SLC11A1: variants seen among roughly 807,000 people sequenced by gnomAD.
The protein encoded by SLC11A1 is solute carrier family 11 member 1.
A neutral mutation model predicts 63.2 loss-of-function variants in SLC11A1; 59 were observed. The ratio of observed to expected loss-of-function variants is 0.93; its 90% CI spans 0.76 to 1.16. SLC11A1 has a LOEUF of 1.16. SLC11A1 is among the 50% of genes most tolerant of loss of function. SLC11A1 has a pLI of 0.00. For synonymous variants in SLC11A1, 305 were observed against 307.8 expected (o/e 0.99, Z 0.09); for missense variants, 688 against 730.7 (o/e 0.94, Z 0.67).
intron 8 of SLC11A1, 48 bp downstream of exon 8, chr2:218,388,003 A>G (rs745888713): frequency 2.8e-5 from 43 of 1,513,644 alleles, no homozygotes; most frequent in Non-Finnish European, 3.8e-5. Context: ...AGTCGGAGCC[A>G]TGCTGGCTCC....
chr2:218,393,280 G>C (rs910546669), intron 12 of SLC11A1, 150 bp downstream of exon 12: 2 of 739,174 alleles, frequency 2.7e-6, no homozygotes, highest in African/African-American at 1.9e-5. Flanking sequence ...AGCCACCCTG[G>C]GGGGCAGGAG....
At chr2:218,387,331 CCT>C in intron 6 of SLC11A1, 101 bp downstream of exon 6, 5 of 1,179,206 alleles carry the variant, frequency 4.2e-6, no homozygotes, top group South Asian at 4.2e-5. Context: ...ACCTGAGCTC[CCT>C]CACTCTCCCT....
Position 218,386,536 on chromosome 2 carries a change from T to G in SLC11A1, c.394-99T>G, listed in dbSNP as rs1574765579. The G allele has an allele frequency of 2.0e-5, 16 of 781,308 alleles. No homozygotes were observed. The East Asian group carries it at 4.3e-4, about 21-fold the overall frequency. The allele number at this position is 781,308 out of a possible 1,614,324, so 48.4% of individuals were successfully genotyped here. A position where few individuals can be genotyped will look rare whatever the true frequency, so the allele number is the denominator to read the frequency against. On this transcript the variant is annotated intron_variant, in intron 4 of 14. Coordinates refer to ENST00000233202, the MANE Select transcript of SLC11A1 (RefSeq NM_000578.4). ...AAGGTAGGAAGCCCATTGGCCAGACTGTCTAGTAAATGTAGTCTGAGACGA... is the reference window on the plus strand; with the variant it reads ...AAGGTAGGAAGCCCATTGGCCAGACGGTCTAGTAAATGTAGTCTGAGACGA...
chr2:218,392,875 C>T (rs1696531259), intron 11 of SLC11A1, 106 bp from the exon 12 acceptor site: 2 of 925,438 alleles, frequency 2.2e-6, no homozygotes, highest in Non-Finnish European at 3.1e-6. Flanking sequence ...AGTGGAAAAA[C>T]AGAGCATGCC....
Position 218,382,497 on chromosome 2 carries a change from C to T in SLC11A1, c.7+122C>T, listed in dbSNP as rs564897028. 1.4e-4 allele frequency: 140 copies of T among 1,015,782 alleles called. 1 individual carries two copies. In the South Asian group the frequency reaches 1.4e-3, roughly 10 times the overall value. The allele number at this position is 1,015,782 out of a possible 1,614,324, so 62.9% of individuals were successfully genotyped here. On this transcript the variant is annotated intron_variant, in intron 1 of 14. Coordinates refer to ENST00000233202, the MANE Select transcript of SLC11A1 (RefSeq NM_000578.4). ...TCCCCTGTGGAAGCCTCTGGTCCCC[C>T]GTGGGAGTCCTAGTCTAGAACACAG... is the stretch of plus-strand genomic sequence containing the variant.
Position 218,387,335 on chromosome 2 carries a change from ACTCTCCCTGGGTGGCCTCTAGC to A in SLC11A1, c.571+106_571+127del. The A allele has an allele frequency of 2.6e-6, 3 of 1,163,358 alleles. No homozygotes were observed. In the South Asian group the frequency reaches 4.2e-5, roughly 16 times the overall value. The allele number at this position is 1,163,358 out of a possible 1,614,324, so 72.1% of individuals were successfully genotyped here. A position where few individuals can be genotyped will look rare whatever the true frequency, so the allele number is the denominator to read the frequency against. On this transcript the variant is annotated intron_variant, in intron 6 of 14. Transcript: ENST00000233202. Reference sequence around the variant, plus strand: ...CCTGGGAGCGCACCTGAGCTCCCTCACTCTCCCTGGGTGGCCTCTAGCGAGTTACTTGGACGTGCCTCTCTTC... The same window carrying A: ...CCTGGGAGCGCACCTGAGCTCCCTCAGAGTTACTTGGACGTGCCTCTCTTC...
At position 218,394,117 on chromosome 2, in the gene SLC11A1, C is replaced by T. The variant is rs1241169626; in HGVS notation, c.1315-3C>T. On this transcript the variant is annotated splice_polypyrimidine_tract_variant and splice_region_variant and intron_variant, in intron 12 of 14. Coordinates refer to ENST00000233202, the MANE Select transcript of SLC11A1 (RefSeq NM_000578.4). ...CAGCCTAGGCTCCTGCTGCTCTCCCCAGCTCCCGTTCGCCGTGCTGCCCAT... is the reference window on the plus strand; with the variant it reads ...CAGCCTAGGCTCCTGCTGCTCTCCCTAGCTCCCGTTCGCCGTGCTGCCCAT... The T allele has an allele frequency of 3.7e-6, 6 of 1,613,980 alleles. No individual in the cohort carries two copies. The South Asian group carries it at 5.5e-5, about 15-fold the overall frequency.
In SLC11A1 at chr2:218,384,079, C is replaced by A. The variant is rs549362731; in HGVS notation, c.151-164C>A. The A allele has an allele frequency of 1.2e-4, 72 of 593,744 alleles. 1 individual carries two copies. In the South Asian group the frequency reaches 2.1e-3, roughly 17 times the overall value. The allele number at this position is 593,744 out of a possible 1,614,324, so 36.8% of individuals were successfully genotyped here. On this transcript the variant is annotated intron_variant, in intron 2 of 14. Coordinates refer to ENST00000233202, the MANE Select transcript of SLC11A1 (RefSeq NM_000578.4). The surrounding 1 kb of genome is among the most constrained non-coding windows in gnomAD (Gnocchi z 4.0). ...TCATCAGAGCATGCTGCTTCCTCCA[C>A]CCATGCCCTCCCCATCCCTTGGGTG...
At position 218,391,556 on chromosome 2, in the gene SLC11A1, G is replaced by A. The variant is rs114634002; in HGVS notation, c.1164+61G>A. 6.7e-4 allele frequency: 1,003 copies of A among 1,486,772 alleles called. 4 individuals carry two copies. The African/African-American group carries it at 0.011, about 17-fold the overall frequency. 92.1% of individuals were successfully genotyped at this position (1,486,772 alleles called of 1,614,324 possible). Reference sequence around the variant, plus strand: ...CCAAGGACAGCAGGCACACTACTGGGGGCTAGAACTCCGAGCCTTGTGGGT... The same window carrying A: ...CCAAGGACAGCAGGCACACTACTGGAGGCTAGAACTCCGAGCCTTGTGGGT... On this transcript the variant is annotated intron_variant, in intron 11 of 14. Transcript: ENST00000233202.
Position 218,394,664 on chromosome 2 carries a change from T to C in SLC11A1, c.1421T>C (p.Val474Ala). ...LNKVVTSSIM[V>A]LVCAINLYFV... Reference sequence around the variant, plus strand: ...AAGGTCGTCACCTCTTCCATCATGGTGCTAGTCTGCGCCATCAACCTCTAC... The same window carrying C: ...AAGGTCGTCACCTCTTCCATCATGGCGCTAGTCTGCGCCATCAACCTCTAC... Residue 474 changes from valine to alanine, a missense_variant, in exon 14 of 15, where the codon GTG becomes GCG. Coordinates refer to ENST00000233202, the MANE Select transcript of SLC11A1 (RefSeq NM_000578.4). 1 of 1,614,046 alleles carries C rather than the reference T, an allele frequency of 6.2e-7. No individual in the cohort carries two copies. The highest frequency in any genetic ancestry group is 8.5e-7 in the Non-Finnish European group (1 of 1,180,010).
In SLC11A1 at chr2:218,394,122, C is replaced by G; in HGVS notation, c.1317C>G (p.Leu439=). The change falls in exon 13 of 15, where the codon CTC becomes CTG. Residue 439 remains leucine (L), a splice_region_variant and synonymous_variant. Coordinates refer to ENST00000233202, the MANE Select transcript of SLC11A1 (RefSeq NM_000578.4). ...DLLNVLQSLL[L]PFAVLPILTF... is the part of the protein sequence containing the mutation. ...TAGGCTCCTGCTGCTCTCCCCAGCT[C>G]CCGTTCGCCGTGCTGCCCATCCTCA... The G allele has an allele frequency of 6.2e-7, 1 of 1,614,134 alleles. No homozygotes were observed. Among genetic ancestry groups the G allele is most frequent in the Non-Finnish European group, 8.5e-7 (1 of 1,180,010 alleles).
intron 9 of SLC11A1, 143 bp from the exon 10 acceptor site, chr2:218,391,055 A>AT: frequency 1.5e-6 from 1 of 683,108 alleles, no homozygotes; most frequent in Non-Finnish European, 2.6e-6. Flanking sequence ...AACCCAACTT[A>AT]TTTTGTTAGC....
At chr2:218,383,246 C>G in intron 2 of SLC11A1, 144 bp downstream of exon 2, 1 of 827,732 alleles carries the variant, frequency 1.2e-6, no homozygotes, top group South Asian at 1.8e-5. Flanking sequence ...GTGGCAACTG[C>G]CCCTTCCTGC....
At chr2:218,391,617 T>G (rs1696458155) in intron 11 of SLC11A1, 122 bp downstream of exon 11, 1 of 1,228,414 alleles carries the variant, frequency 8.1e-7, no homozygotes, top group African/African-American at 1.5e-5. Flanking sequence ...CCTTTTTTTT[T>G]GTTTTTGTTT....
At chr2:218,394,071 A>T (rs1290047065) in intron 12 of SLC11A1, 49 bp from the exon 13 acceptor site, 1 of 1,603,120 alleles carries the variant, frequency 6.2e-7, no homozygotes, top group Non-Finnish European at 8.5e-7. Context: ...CACCCTTGCC[A>T]TATTCTGAGG....
rs747300713 is a variant in SLC11A1 at position 218,391,352 on chromosome 2, G to A, written c.1045-24G>A. 3.7e-6 allele frequency: 6 copies of A among 1,613,930 alleles called. No individual in the cohort carries two copies. In the Middle Eastern group the frequency reaches 8.2e-4, roughly 222 times the overall value. The stretch of plus-strand genomic sequence containing the variant: ...CTCCCCGCCTCGGGCAGGGCCACCG[G>A]TCCTACCACACTCGTCCCTGCAGGG... On this transcript the variant is annotated intron_variant, in intron 10 of 14. Coordinates refer to ENST00000233202, the MANE Select transcript of SLC11A1 (RefSeq NM_000578.4).
In SLC11A1 at chr2:218,388,000, G is replaced by A. The variant is rs781082146; in HGVS notation, c.795+45G>A. 2.6e-6 allele frequency: 4 copies of A among 1,520,996 alleles called. No individual in the cohort carries two copies. The East Asian group carries it at 9.3e-5, about 35-fold the overall frequency. The allele number at this position is 1,520,996 out of a possible 1,614,324, so 94.2% of individuals were successfully genotyped here. On this transcript the variant is annotated intron_variant, in intron 8 of 14. Transcript: ENST00000233202. ...AAGGAGACCCCCTCACTCAGTCGGA[G>A]CCATGCTGGCTCCGCCTCCAAGCCT... is the stretch of plus-strand genomic sequence containing the variant.
chr2:218,394,305 T>G (rs920201512), intron 13 of SLC11A1, 112 bp downstream of exon 13: 1 of 1,154,726 alleles, frequency 8.7e-7, no homozygotes, highest in East Asian at 2.5e-5. Flanking sequence ...CCACAGAGGC[T>G]GAGAGAGGTT....
intron 5 of SLC11A1, 134 bp from the exon 6 acceptor site, chr2:218,387,026 C>A: frequency 2.4e-6 from 2 of 819,770 alleles, no homozygotes; most frequent in Non-Finnish European, 4.2e-6. Context: ...CTCCCACTCC[C>A]CTTGCCCTAG....
Sources: allele counts gnomAD v4.1 joint callset, GRCh38; gene constraint gnomAD v4.1.1; non-coding constraint Gnocchi (gnomAD v3.1); transcripts MANE v1.5; gene names NCBI Gene and HGNC (gene_info 2026-07-23, HGNC 2026-07-21).